The following PLCL1 variants were observed in gnomAD, a reference collection of about 807,000 sequenced individuals.
PLCL1 encodes inactive phospholipase C-like protein 1.
PLCL1 carries 41 observed loss-of-function variants against 84.4 expected under a neutral mutation model. The observed-to-expected ratio is 0.49, with a 90% CI of 0.38 to 0.63. The LOEUF is 0.63. PLCL1 is among the 30% of genes least tolerant of loss of function. PLCL1 has a pLI of 0.00. For missense variants in PLCL1, 1,206 were observed against 1,367.8 expected, an observed-to-expected ratio of 0.88 and a Z score of 1.87; for synonymous variants, 490 against 488.3, an observed-to-expected ratio of 1.00 and a Z score of -0.05.
chr2:198,133,623 CA>C (rs1260247702), intron 5 of PLCL1, among the ~76,000 whole-genome samples: 1 of 149,292 alleles, frequency 6.7e-6, no homozygotes, highest in African/African-American at 2.5e-5. Flanking sequence ...AATGTTTTGA[CA>C]AGTGCATGTG....
intron 1 of PLCL1, among the ~76,000 whole-genome samples, chr2:198,067,236 T>C (rs576149051): frequency 1.3e-5 from 2 of 151,638 alleles, no homozygotes; most frequent in South Asian, 4.2e-4. Context: ...CAAGTGATTC[T>C]CCTGCCTCAG....
chr2:198,137,309 G>A (rs1694276341), intron 5 of PLCL1, among the ~76,000 whole-genome samples: 1 of 152,140 alleles, frequency 6.6e-6, no homozygotes, highest in Non-Finnish European at 1.5e-5. Flanking sequence ...TATAAAAGGA[G>A]TCCTTCGAAT....
intron 1 of PLCL1, among the ~76,000 whole-genome samples, chr2:197,960,002 T>C (rs1298532258): frequency 6.6e-6 from 1 of 152,088 alleles, no homozygotes; most frequent in Non-Finnish European, 1.5e-5. Flanking sequence ...AAGAGAGAAC[T>C]AGGATTTCTG....
At chr2:197,952,933 A>AT (rs1429967575) in intron 1 of PLCL1, among the ~76,000 whole-genome samples, 1 of 151,968 alleles carries the variant, frequency 6.6e-6, no homozygotes, top group African/African-American at 2.4e-5. Context: ...ATTTTCCTTT[A>AT]TAAGTTACCC....
chr2:197,871,943 C>A (rs1302352373), intron 1 of PLCL1, among the ~76,000 whole-genome samples: 2 of 152,106 alleles, frequency 1.3e-5, no homozygotes, highest in Non-Finnish European at 2.9e-5. Flanking sequence ...CAAGGACATG[C>A]TTTCTGTGGG....
chr2:198,103,717 TATGAGAAGACAGGA>T, intron 4 of PLCL1, 96 bp from the exon 5 acceptor site: 1 of 571,500 alleles, frequency 1.7e-6, no homozygotes, highest in East Asian at 3.1e-5. Flanking sequence ...ATTTGGAAAT[TATGAGAAGACAGGA>T]ATGTGAAATT....
At chr2:198,070,406 A>C (rs2105884529) in intron 1 of PLCL1, among the ~76,000 whole-genome samples, 1 of 152,262 alleles carries the variant, frequency 6.6e-6, no homozygotes, top group Middle Eastern at 3.4e-3. Flanking sequence ...ATTTAAGAGA[A>C]GATACACATT....
intron 1 of PLCL1, among the ~76,000 whole-genome samples, chr2:197,880,260 CTT>C (rs2105714127): frequency 6.6e-6 from 1 of 152,002 alleles, no homozygotes; most frequent in East Asian, 1.9e-4. Context: ...CTCTTTTTCT[CTT>C]CTATTTTTTT....
intron 3 of PLCL1, among the ~76,000 whole-genome samples, chr2:198,096,743 AAGTC>A (rs1423401327): frequency 1.3e-5 from 2 of 152,200 alleles, no homozygotes; most frequent in African/African-American, 4.8e-5. Context: ...ATCTTTTACT[AAGTC>A]AGTTGGGGGT....
At chr2:198,113,617 C>T (rs2105921756) in intron 5 of PLCL1, among the ~76,000 whole-genome samples, 1 of 151,944 alleles carries the variant, frequency 6.6e-6, no homozygotes, top group Non-Finnish European at 1.5e-5. Flanking sequence ...GTAAATATTC[C>T]AGCCTTTCAT....
Position 198,085,413 on chromosome 2 carries a change from T to G in PLCL1, c.1896T>G (p.Val632=). 2 of 1,611,836 alleles carry G rather than the reference T, an allele frequency of 1.2e-6. No individual in the cohort carries two copies. The highest frequency in any genetic ancestry group is 2.7e-5 in the African/African-American group (2 of 75,002). The change falls in exon 2 of 6, where the codon GTT becomes GTG. Residue 632 remains valine, a synonymous_variant. Coordinates refer to ENST00000428675, the MANE Select transcript of PLCL1 (RefSeq NM_006226.4). This position sits in a 1 kb window ranked among gnomAD's most constrained non-coding sequence, Gnocchi z 5.3. ...RIANEYPEDF[V]NYNKKFLSRI... is the part of the protein sequence containing the mutation. ...CAAATGAGTACCCAGAGGATTTTGT[T>G]AATTATAATAAGAAGTTCTTATCAA...
At chr2:197,864,277 G>A (rs1355983571) in intron 1 of PLCL1, among the ~76,000 whole-genome samples, 1 of 151,404 alleles carries the variant, frequency 6.6e-6, no homozygotes, top group Non-Finnish European at 1.5e-5. Context: ...CCTCCAGGTG[G>A]CATTTAAGAT....
intron 1 of PLCL1, among the ~76,000 whole-genome samples, chr2:197,903,468 ATTTTTTTTTTT>A (rs3056105): frequency 2.9e-3 from 138 of 47,792 alleles, no homozygotes; most frequent in African/African-American, 0.011. Flanking sequence ...CTCCATTTAA[ATTTTTTTTTTT>A]TTTTTTTTTT....
chr2:197,835,405 A>G (rs1260506948), intron 1 of PLCL1, among the ~76,000 whole-genome samples: 2 of 152,188 alleles, frequency 1.3e-5, no homozygotes, highest in Non-Finnish European at 2.9e-5. Context: ...TATTCCCAGT[A>G]TACAGGTCCA....
intron 3 of PLCL1, among the ~76,000 whole-genome samples, chr2:198,093,852 T>C (rs1693116106): frequency 1.3e-5 from 2 of 152,108 alleles, no homozygotes; most frequent in African/African-American, 2.4e-5. Flanking sequence ...AATTATACTA[T>C]TATCAAGGGA....
chr2:197,897,633 A>AT (rs1383189438), intron 1 of PLCL1, among the ~76,000 whole-genome samples: 16 of 152,220 alleles, frequency 1.1e-4, no homozygotes, highest in Non-Finnish European at 2.1e-4. Flanking sequence ...GTTAATGAAC[A>AT]TTTTTAATGC....
intron 1 of PLCL1, among the ~76,000 whole-genome samples, chr2:198,083,150 A>G (rs987982416): frequency 1.3e-5 from 2 of 152,218 alleles, no homozygotes; most frequent in African/African-American, 4.8e-5. Context: ...AATTCCTATA[A>G]TGTTAAAATC....
intron 1 of PLCL1, among the ~76,000 whole-genome samples, chr2:197,930,538 G>A (rs1451687421): frequency 2.0e-5 from 3 of 152,062 alleles, no homozygotes; most frequent in Admixed American, 2.0e-4. Context: ...ATAGTTTATT[G>A]TGTAAAGAGG....
intron 1 of PLCL1, among the ~76,000 whole-genome samples, chr2:197,873,847 C>T (rs796179645): frequency 4.6e-5 from 7 of 152,258 alleles, no homozygotes; most frequent in Middle Eastern, 3.4e-3. Flanking sequence ...CAAAATATTT[C>T]GGACAAGGCT....
Sources: gnomAD v4.1 joint callset for allele counts (sites outside exome capture counted in the v4.1 genomes callset) on GRCh38, gnomAD v4.1.1 for gene constraint, Gnocchi (gnomAD v3.1) non-coding constraint, MANE v1.5 for transcripts, NCBI Gene and HGNC (gene_info 2026-07-23, HGNC 2026-07-21) for gene names.